The following EML6 variants were observed in gnomAD, a reference collection of about 807,000 sequenced individuals.
EML6 encodes EMAP like 6, also known as echinoderm microtubule-associated protein-like 6.
Under a neutral mutation model 240.1 loss-of-function variants are expected in EML6, and 154 were observed. The observed-to-expected ratio is 0.64, with a 90% CI of 0.56 to 0.73. The LOEUF (loss-of-function observed/expected upper bound fraction) is 0.73, where lower values mean the gene tolerates loss of function less well. EML6 is among the 30% of genes least tolerant of loss of function. The pLI is 0.00. For missense variants in EML6, 2,964 were observed against 2,474.6 expected (o/e 1.20, Z -4.20); for synonymous variants, 1,148 against 899.0 (o/e 1.28, Z -4.95).
intron 36 of EML6, among the ~76,000 whole-genome samples, chr2:54,963,088 G>A (rs1347273614): frequency 7.0e-6 from 1 of 142,110 alleles, no homozygotes; most frequent in Non-Finnish European, 1.5e-5. Flanking sequence ...AAGTTCATCT[G>A]GAGTAAAACT....
At chr2:54,880,488 T>C (rs1170589513) in intron 17 of EML6, 1 of 152,200 alleles carries the variant, frequency 6.6e-6, no homozygotes, top group East Asian at 1.9e-4. Flanking sequence ...AAAAGTTTTG[T>C]GGGGATTTAA....
intron 2 of EML6, among the ~76,000 whole-genome samples, chr2:54,743,326 G>A (rs192381938): frequency 3.7e-4 from 56 of 152,342 alleles, no homozygotes; most frequent in African/African-American, 1.0e-3. Flanking sequence ...CCTCGCAGAC[G>A]TGGGGAGATC....
At chr2:54,923,025 T>G (rs952144967) in intron 26 of EML6, among the ~76,000 whole-genome samples, 13 of 140,544 alleles carry the variant, frequency 9.2e-5, no homozygotes, top group South Asian at 2.4e-4. Flanking sequence ...CACCGCAACC[T>G]CTGCCTCCCG....
chr2:54,852,757 C>G (rs1476511050), intron 10 of EML6, among the ~76,000 whole-genome samples: 1 of 152,132 alleles, frequency 6.6e-6, no homozygotes, highest in Non-Finnish European at 1.5e-5. Context: ...GGCATTTATT[C>G]TCACCAGTTC....
In EML6 at chr2:54,970,104, A is replaced by C; in HGVS notation, c.*9A>C. On this transcript the variant is annotated 3_prime_UTR_variant, in exon 42 of 42. Transcript: ENST00000356458. ...TGTGGCGATGTCTGTAAAATGCCAG[A>C]AGCCTCTTATGTTATTGCTGCTGCT... 6.4e-7 allele frequency: 1 copy of C among 1,551,656 alleles called. No individual in the cohort carries two copies. The highest frequency in any genetic ancestry group is 2.0e-5 in the Admixed American group (1 of 51,002).
At chr2:54,842,184 C>T (rs149044236) in intron 7 of EML6, among the ~76,000 whole-genome samples, 1 of 152,318 alleles carries the variant, frequency 6.6e-6, no homozygotes, top group Non-Finnish European at 1.5e-5. Context: ...TAGTATCCTA[C>T]AGGATAGTTT....
intron 2 of EML6, among the ~76,000 whole-genome samples, chr2:54,731,787 T>C (rs1291268547): frequency 2.0e-5 from 3 of 152,170 alleles, no homozygotes; most frequent in African/African-American, 7.2e-5. Flanking sequence ...GGTGAAAAAC[T>C]GTTCACATGG....
intron 28 of EML6, among the ~76,000 whole-genome samples, chr2:54,938,446 T>A (rs1675264134): frequency 6.6e-6 from 1 of 152,222 alleles, no homozygotes; most frequent in Non-Finnish European, 1.5e-5. Flanking sequence ...CAGTGAGACA[T>A]ACAGCCATGC....
At chr2:54,908,726 A>G (rs7355309) in intron 24 of EML6, among the ~76,000 whole-genome samples, 57,602 of 151,892 alleles carry the variant, frequency 0.38, 11,205 homozygotes, top group Middle Eastern at 0.49. Context: ...GGCTGCCCCA[A>G]AATGCCACCC....
Position 54,954,060 on chromosome 2 carries a change from G to A in EML6, c.4390G>A (p.Gly1464Arg), listed in dbSNP as rs1296025588. The change falls in exon 32 of 42, where the codon GGG (glycine) becomes AGG (arginine). Residue 1464 changes from glycine to arginine, a missense_variant. Gly to Arg is a moderately radical substitution (Grantham distance 125). Coordinates refer to ENST00000356458, the MANE Select transcript of EML6 (RefSeq NM_001039753.4). ...LSMLRCFHSK[G>R]VNYINFSATG... ...CATGCTGCGGTGCTTCCACTCCAAG[G>A]GGGTGAATTACATCAACTTCAGTGC... 8.4e-6 allele frequency: 13 copies of A among 1,551,742 alleles called. No individual in the cohort carries two copies. In the African/African-American group the frequency reaches 1.6e-4, roughly 20 times the overall value.
At chr2:54,925,026 C>T (rs1012088177) in intron 26 of EML6, among the ~76,000 whole-genome samples, 6 of 152,162 alleles carry the variant, frequency 3.9e-5, no homozygotes, top group South Asian at 2.1e-4. Context: ...GTTGTGTCTT[C>T]CCAAATCTGT....
intron 28 of EML6, among the ~76,000 whole-genome samples, chr2:54,946,009 G>T (rs61486548): frequency 0.07 from 10,658 of 152,290 alleles, 618 homozygotes; most frequent in South Asian, 0.2. Context: ...CCAAGCCCCA[G>T]GCTGGAGTTC....
At position 54,790,835 on chromosome 2, in the gene EML6, C is replaced by T. The variant is rs553480532; in HGVS notation, c.198-22397C>T. 1.8e-3 allele frequency among the ~76,000 whole-genome samples: 273 copies of T among 150,958 alleles called. 3 individuals carry two copies. The highest frequency in any genetic ancestry group is 6.3e-3 in the African/African-American group (259 of 41,118). On this transcript the variant is annotated intron_variant, in intron 2 of 41. Coordinates refer to ENST00000356458, the MANE Select transcript of EML6 (RefSeq NM_001039753.4). Reference sequence around the variant, plus strand: ...CCGCCTCCCAGGTTCACACCATTCTCCTGCCTCAGCCTCCCGAGTAGCTGG... The same window carrying T: ...CCGCCTCCCAGGTTCACACCATTCTTCTGCCTCAGCCTCCCGAGTAGCTGG...
At chr2:54,804,086 A>G (rs1670334968) in intron 2 of EML6, among the ~76,000 whole-genome samples, 1 of 152,196 alleles carries the variant, frequency 6.6e-6, no homozygotes. Context: ...TTACCCTGAA[A>G]ATGACTGTGT....
At chr2:54,857,760 G>C (rs1471360725) in intron 11 of EML6, among the ~76,000 whole-genome samples, 1 of 152,156 alleles carries the variant, frequency 6.6e-6, no homozygotes, top group Non-Finnish European at 1.5e-5. Flanking sequence ...ACTTCAGACA[G>C]AGGAAACAGC....
chr2:54,781,420 C>G (rs77487211), intron 2 of EML6, among the ~76,000 whole-genome samples: 1,776 of 152,234 alleles, frequency 0.012, 34 homozygotes, highest in African/African-American at 0.041. Context: ...GATAATTGGT[C>G]CACATAGGAA....
intron 7 of EML6, among the ~76,000 whole-genome samples, chr2:54,840,799 T>C (rs890029578): frequency 6.6e-6 from 1 of 152,248 alleles, no homozygotes; most frequent in African/African-American, 2.4e-5. Context: ...TTCACAGACC[T>C]TTCTATTCTA....
At chr2:54,831,363 T>G (rs955557152) in intron 7 of EML6, among the ~76,000 whole-genome samples, 1 of 152,242 alleles carries the variant, frequency 6.6e-6, no homozygotes, top group Admixed American at 6.5e-5. Flanking sequence ...TGCTATACTT[T>G]TCTGCCCAAT....
At chr2:54,795,436 A>T (rs58374831) in intron 2 of EML6, among the ~76,000 whole-genome samples, 9,839 of 152,138 alleles carry the variant, frequency 0.065, 1,046 homozygotes, top group African/African-American at 0.22. Context: ...CCTCTGGCGT[A>T]TGGGGATTAC....
Sources: gnomAD v4.1 joint callset for allele counts (sites outside exome capture counted in the v4.1 genomes callset) on GRCh38, gnomAD v4.1.1 for gene constraint, MANE v1.5 for transcripts, NCBI Gene and HGNC (gene_info 2026-07-23, HGNC 2026-07-21) for gene names.